The following MYO18A variants were observed in gnomAD, a reference collection of about 807,000 sequenced individuals.
The protein encoded by MYO18A is unconventional myosin-XVIIIa.
MYO18A carries 78 observed loss-of-function variants against 235.8 expected under a neutral mutation model. The ratio of observed to expected loss-of-function variants is 0.33; its 90% CI spans 0.28 to 0.40. The LOEUF (loss-of-function observed/expected upper bound fraction) is 0.40, where lower values mean the gene tolerates loss of function less well. Ranked by LOEUF, MYO18A falls within the 10% of genes least tolerant of loss-of-function variation. The probability of loss-of-function intolerance (pLI) is 1.00; values close to 1 mark genes in which losing one functional copy is unlikely to be tolerated. For missense variants in MYO18A, 2,215 were observed against 2,699.3 expected (o/e 0.82, Z 3.98); for synonymous variants, 977 against 1,077.8 (o/e 0.91, Z 1.83).
intron 20 of MYO18A, among the ~76,000 whole-genome samples, chr17:29,105,134 T>C (rs1227075915): frequency 7.5e-6 from 1 of 133,380 alleles, no homozygotes; most frequent in Non-Finnish European, 1.5e-5. Flanking sequence ...ATGGCGCCAC[T>C]GCACTCCAGC....
intron 2 of MYO18A, among the ~76,000 whole-genome samples, chr17:29,164,844 G>T (rs10438797): frequency 0.34 from 51,165 of 152,098 alleles, 8,860 homozygotes; most frequent in East Asian, 0.57. Context: ...TGTGCCTCCT[G>T]CTGCTCTTTT....
At chr17:29,134,534 T>C (rs1435308501) in intron 2 of MYO18A, among the ~76,000 whole-genome samples, 1 of 151,990 alleles carries the variant, frequency 6.6e-6, no homozygotes, top group African/African-American at 2.4e-5. Flanking sequence ...TATTTATTTA[T>C]TTATTGAGTC....
rs1304299503 is a variant in MYO18A at position 29,091,111 on chromosome 17, G to GA, written c.5188-186dup. 3 of 588,832 alleles carry GA rather than the reference G, an allele frequency of 5.1e-6. No individual in the cohort carries two copies. The African/African-American group carries it at 5.6e-5, about 11-fold the overall frequency. The allele number at this position is 588,832 out of a possible 1,614,324, so 36.5% of individuals were successfully genotyped here. On this transcript the variant is annotated intron_variant, in intron 34 of 41. Coordinates refer to ENST00000527372, the MANE Select transcript of MYO18A (RefSeq NM_078471.4). The stretch of plus-strand genomic sequence containing the variant: ...CCCGCTCTGGACCAGGGAGATGAGG[G>GA]AAAGGGCTGTGTGCAGTACAGGCAG...
rs954881192 is a variant in MYO18A at position 29,085,484 on chromosome 17, G to A, written c.5897+120C>T. On this transcript the variant is annotated intron_variant, in intron 40 of 41. Coordinates refer to ENST00000527372, the MANE Select transcript of MYO18A (RefSeq NM_078471.4). ...TGTTAGCGTTAGAGACCAGTGAGGCGGGAGTGTGGGGAGGCTGTATCCACA... is the reference window on the plus strand; with the variant it reads ...TGTTAGCGTTAGAGACCAGTGAGGCAGGAGTGTGGGGAGGCTGTATCCACA... 8.3e-5 allele frequency: 69 copies of A among 830,248 alleles called. No individual in the cohort carries two copies. In the East Asian group the frequency reaches 1.3e-3, roughly 16 times the overall value. The allele number at this position is 830,248 out of a possible 1,614,324, so 51.4% of individuals were successfully genotyped here.
chr17:29,114,811 G>T, intron 14 of MYO18A, 96 bp downstream of exon 14: 3 of 1,302,898 alleles, frequency 2.3e-6, no homozygotes, highest in Non-Finnish European at 3.1e-6. Flanking sequence ...GACAGAAATG[G>T]AGAGTAAGGT....
chr17:29,103,585 G>A lies in MYO18A; in HGVS notation c.3507+14C>T, dbSNP rs201092287. 5.0e-6 allele frequency: 8 copies of A among 1,613,796 alleles called. No individual in the cohort carries two copies. In the Admixed American group the frequency reaches 1.2e-4, roughly 24 times the overall value. On this transcript the variant is annotated intron_variant, in intron 21 of 41. Coordinates refer to ENST00000527372, the MANE Select transcript of MYO18A (RefSeq NM_078471.4). Reference sequence around the variant, plus strand: ...TGGAGTGAGGCCCGACTGCCCTCCTGTGGGACAACTCACCCGGCTCAGGCC... The same window carrying A: ...TGGAGTGAGGCCCGACTGCCCTCCTATGGGACAACTCACCCGGCTCAGGCC...
chr17:29,092,084 G>A lies in MYO18A; in HGVS notation c.5187+259C>T, dbSNP rs187946611. Among the ~76,000 whole-genome samples the A allele has an allele frequency of 1.4e-3, 210 of 152,340 alleles. 4 individuals are homozygous for A. Among genetic ancestry groups the A allele is most frequent in the Non-Finnish European group, 3.1e-4 (21 of 68,028 alleles). On this transcript the variant is annotated intron_variant, in intron 34 of 41. Coordinates refer to ENST00000527372, the MANE Select transcript of MYO18A (RefSeq NM_078471.4). Reference sequence around the variant, plus strand: ...TTATGGTGTTGGGGCCTGCGGCCAAGCTCCCGTAGGCAGGTGGTTAAACAG... The same window carrying A: ...TTATGGTGTTGGGGCCTGCGGCCAAACTCCCGTAGGCAGGTGGTTAAACAG...
chr17:29,132,044 T>G (rs2067485977), intron 2 of MYO18A, among the ~76,000 whole-genome samples: 2 of 152,142 alleles, frequency 1.3e-5, no homozygotes, highest in Non-Finnish European at 2.9e-5. Flanking sequence ...AGGCCAGATA[T>G]TTTCTCAACC....
chr17:29,161,004 G>A (rs2068160116), intron 2 of MYO18A, among the ~76,000 whole-genome samples: 1 of 152,166 alleles, frequency 6.6e-6, no homozygotes, highest in South Asian at 2.1e-4. Context: ...GATAGCTTGA[G>A]CTCAGGAGTT....
In MYO18A at chr17:29,111,847, C is replaced by A. The variant is rs776344234; in HGVS notation, c.2615G>T (p.Arg872Leu). 4 of 1,612,120 alleles carry A rather than the reference C, an allele frequency of 2.5e-6. No homozygotes were observed. Among genetic ancestry groups the A allele is most frequent in the Non-Finnish European group, 3.4e-6 (4 of 1,179,048 alleles). ...GAGCAGGCCCCTCGCCTCGTCTGTG[C>A]GGGCCAGCGAGCGGACCTACAGAGA... ...SHQSLVRSLA[R>L]TDEARGLLWL... The change falls in exon 16 of 42, where the codon CGC (arginine) becomes CTC (leucine). Residue 872 changes from arginine to leucine, a missense_variant. Coordinates refer to ENST00000527372, the MANE Select transcript of MYO18A (RefSeq NM_078471.4). This position sits in a 1 kb window ranked among gnomAD's most constrained non-coding sequence, Gnocchi z 5.1.
chr17:29,166,681 C>T lies in MYO18A; in HGVS notation c.260G>A (p.Arg87Gln). The T allele has an allele frequency of 1.9e-6, 3 of 1,613,686 alleles. No homozygotes were observed. Among genetic ancestry groups the T allele is most frequent in the Middle Eastern group, 1.7e-4 (1 of 6,060 alleles). Residue 87 changes from arginine to glutamine, a missense_variant, in exon 2 of 42, where the codon CGG becomes CAG. Physicochemically the swap from Arg to Gln is conservative, Grantham distance 43 (BLOSUM62 1). Transcript: ENST00000527372. ...HLTDIDSDSN[R>Q]GSVILDSGHL... ...GCCCGAGTCCAGGATGACGCTGCCC[C>T]GGTTACTATCGGAGTCAATGTCAGT...
chr17:29,073,816 A>G lies in MYO18A; in HGVS notation c.*954T>C, dbSNP rs1455426548. ...GACTCATGTCTAATGAGCACCGGCC[A>G]AAACTTCCATCTTCAGTTTTTCTGA... On this transcript the variant is annotated 3_prime_UTR_variant, in exon 42 of 42. Coordinates refer to ENST00000527372, the MANE Select transcript of MYO18A (RefSeq NM_078471.4). The G allele has an allele frequency of 6.4e-7, 1 of 1,555,638 alleles. No homozygotes were observed. Among genetic ancestry groups the G allele is most frequent in the Non-Finnish European group, 8.7e-7 (1 of 1,144,500 alleles).
chr17:29,170,914 A>G (rs2068388926), intron 1 of MYO18A, among the ~76,000 whole-genome samples: 2 of 152,202 alleles, frequency 1.3e-5, no homozygotes, highest in Admixed American at 6.5e-5. Flanking sequence ...GATACACACA[A>G]TGGGGATGGA....
intron 1 of MYO18A, chr17:29,176,626 C>G (rs2152993927): frequency 6.6e-6 from 1 of 152,402 alleles, no homozygotes; most frequent in South Asian, 2.1e-4. Flanking sequence ...TCCCCGCGCT[C>G]TGCCCCTCGC....
At position 29,072,201 on chromosome 17, in the gene MYO18A, CCTTT is replaced by C. The variant is rs2065891619; in HGVS notation, c.*2565_*2568del. 1 of 105,020 alleles carries C rather than the reference CCTTT, an allele frequency of 9.5e-6. No individual in the cohort carries two copies. The highest frequency in any genetic ancestry group is 3.3e-4 in the South Asian group (1 of 2,988). The allele number at this position is 105,020 out of a possible 1,614,324, so 6.5% of individuals were successfully genotyped here. On this transcript the variant is annotated 3_prime_UTR_variant, in exon 42 of 42. Transcript: ENST00000527372. ...GACAGAACTGAACATAAGCTAGCAG[CCTTT>C]TTTTTTTTTTTTTTTTTTTTGTAAA...
At position 29,103,695 on chromosome 17, in the gene MYO18A, G is replaced by A. The variant is rs200341130; in HGVS notation, c.3442-31C>T. On this transcript the variant is annotated intron_variant, in intron 20 of 41. Transcript: ENST00000527372. ...GAGAGAGGCCTCTGTCAGGCAGCCC[G>A]CCTGGGCCTCCCCTCACCATGCAGG... 580 of 1,609,908 alleles carry A rather than the reference G, an allele frequency of 3.6e-4. 1 individual carries two copies. The highest frequency in any genetic ancestry group is 1.5e-3 in the Middle Eastern group (9 of 6,058).
chr17:29,131,078 C>A (rs1462383026), intron 2 of MYO18A, among the ~76,000 whole-genome samples: 1 of 152,202 alleles, frequency 6.6e-6, no homozygotes, highest in Non-Finnish European at 1.5e-5. Flanking sequence ...AGGGAGGCAA[C>A]TTAAGGGGAT....
rs767857186 is a variant in MYO18A, at chr17:29,111,397, C to T, written c.2900+27G>A. On this transcript the variant is annotated intron_variant, in intron 17 of 41. Transcript: ENST00000527372. This position sits in a 1 kb window ranked among gnomAD's most constrained non-coding sequence, Gnocchi z 5.1. ...AATCAAAACAGTCCTGGGTACAGAA[C>T]AGGGGCGGAGGGAGTGGTGGTCTTA... 1.1e-5 allele frequency: 18 copies of T among 1,607,530 alleles called. No homozygotes were observed. In the African/African-American group the frequency reaches 1.7e-4, roughly 16 times the overall value.
chr17:29,107,603 TAAAA>T (rs35996808), intron 19 of MYO18A: 13 of 102,846 alleles, frequency 1.3e-4, no homozygotes, highest in African/African-American at 4.2e-4. Flanking sequence ...CTTATGGTCT[TAAAA>T]AAAAAAAAAA....
Sources: gnomAD v4.1 joint callset for allele counts (sites outside exome capture counted in the v4.1 genomes callset) on GRCh38, gnomAD v4.1.1 for gene constraint, Gnocchi (gnomAD v3.1) non-coding constraint, MANE v1.5 for transcripts, NCBI Gene and HGNC (gene_info 2026-07-23, HGNC 2026-07-21) for gene names.